Variants in HSD11B1 observed in about 807,000 individuals in gnomAD.
HSD11B1 encodes the protein 11-beta-hydroxysteroid dehydrogenase 1.
HSD11B1 carries 15 observed loss-of-function variants against 22.1 expected under a neutral mutation model. The ratio of observed to expected loss-of-function variants is 0.68; its 90% CI spans 0.45 to 1.04. The LOEUF is 1.04. HSD11B1 is among the 50% of genes least tolerant of loss of function. The pLI, the probability that HSD11B1 is intolerant of heterozygous loss-of-function variation, is 0.00. For synonymous variants in HSD11B1, 122 were observed against 125.2 expected, an observed-to-expected ratio of 0.97 and a Z score of 0.17; for missense variants, 281 against 357.6, an observed-to-expected ratio of 0.79 and a Z score of 1.73.
intron 4 of HSD11B1, among the ~76,000 whole-genome samples, chr1:209,712,610 T>C (rs1438153540): frequency 3.3e-5 from 5 of 152,224 alleles, no homozygotes; most frequent in Non-Finnish European, 7.3e-5. Context: ...CCCCTTTGAA[T>C]ACTGAGAGAT....
At chr1:209,714,246 C>T (rs2076916534) in intron 4 of HSD11B1, among the ~76,000 whole-genome samples, 3 of 152,278 alleles carry the variant, frequency 2.0e-5, no homozygotes, top group Non-Finnish European at 1.5e-5. Context: ...AAACATAAAA[C>T]AAACACTCTA....
intron 4 of HSD11B1, among the ~76,000 whole-genome samples, chr1:209,725,429 C>A (rs2076994849): frequency 1.3e-5 from 2 of 152,214 alleles, no homozygotes; most frequent in Admixed American, 1.3e-4. Flanking sequence ...AATTTACAAC[C>A]TACCTCCTCC....
intron 4 of HSD11B1, among the ~76,000 whole-genome samples, chr1:209,729,550 G>T (rs1438814092): frequency 6.6e-6 from 1 of 152,058 alleles, no homozygotes; most frequent in Non-Finnish European, 1.5e-5. Context: ...TCCAAGATAG[G>T]TCTGGAGCCA....
intron 1 of HSD11B1, among the ~76,000 whole-genome samples, chr1:209,693,097 G>A (rs1032901397): frequency 6.6e-6 from 1 of 152,146 alleles, no homozygotes. Context: ...GGCTCCCTCT[G>A]CTGGCAGAAG....
At position 209,733,916 on chromosome 1, in the gene HSD11B1, C is replaced by A. The variant is rs546460570; in HGVS notation, c.662-388C>A. Among the ~76,000 whole-genome samples the A allele has an allele frequency of 9.2e-5, 14 of 152,296 alleles. No homozygotes were observed. In the South Asian group the frequency reaches 1.0e-3, roughly 11 times the overall value. ...AAGACAGTAAGTCATTATCATACAG[C>A]ACTCTGGTTTTTCCCACTGGCACTT... On this transcript the variant is annotated intron_variant, in intron 5 of 5. Coordinates refer to ENST00000367027, the MANE Select transcript of HSD11B1 (RefSeq NM_005525.4).
chr1:209,727,437 G>A lies in HSD11B1; in HGVS notation c.518-4999G>A, dbSNP rs114225504. Among the ~76,000 whole-genome samples, 1,279 of 152,210 alleles carry A rather than the reference G, an allele frequency of 8.4e-3. 12 individuals carry two copies. The highest frequency in any genetic ancestry group is 0.028 in the African/African-American group (1,163 of 41,526). On this transcript the variant is annotated intron_variant, in intron 4 of 5. Coordinates refer to ENST00000367027, the MANE Select transcript of HSD11B1 (RefSeq NM_005525.4). ...GAGTGACTAGCCCTGTTTATTTATG[G>A]GTATCCTCATCTGTCAGCTTAGAAG... is the stretch of plus-strand genomic sequence containing the variant.
chr1:209,725,910 G>A (rs1362339471), intron 4 of HSD11B1, among the ~76,000 whole-genome samples: 3 of 152,154 alleles, frequency 2.0e-5, no homozygotes, highest in African/African-American at 2.4e-5. Context: ...TCTGAGAGAT[G>A]TCAACAACAG....
intron 4 of HSD11B1, among the ~76,000 whole-genome samples, chr1:209,720,116 A>C (rs2076956325): frequency 6.6e-6 from 1 of 152,126 alleles, no homozygotes. Context: ...TGGTTAAGAT[A>C]GTTTTTTTTA....
In HSD11B1 at chr1:209,734,568, G is replaced by C. The variant is rs758324747; in HGVS notation, c.*47G>C. 4.4e-6 allele frequency: 6 copies of C among 1,366,622 alleles called. No individual in the cohort carries two copies. The East Asian group carries it at 1.4e-4, about 31-fold the overall frequency. The allele number at this position is 1,366,622 out of a possible 1,614,324, so 84.7% of individuals were successfully genotyped here. On this transcript the variant is annotated 3_prime_UTR_variant, in exon 6 of 6. Transcript: ENST00000367027. ...TGCTGAGGGATTTTGGGACTGTTCT[G>C]TCTCATGTTTATCTGAGCTCTTATC...
intron 4 of HSD11B1, among the ~76,000 whole-genome samples, chr1:209,726,609 T>C (rs188403956): frequency 1.1e-4 from 16 of 152,168 alleles, no homozygotes; most frequent in African/African-American, 3.6e-4. Flanking sequence ...AAAAAAAAAC[T>C]TTTTTAAACC....
rs759101456 is a variant in HSD11B1, at chr1:209,705,881, T to C, written c.159T>C (p.His53=). 1.9e-6 allele frequency: 3 copies of C among 1,614,000 alleles called. No individual in the cohort carries two copies. The highest frequency in any genetic ancestry group is 1.1e-5 in the South Asian group (1 of 91,082). The change falls in exon 2 of 6, where the codon CAT becomes CAC. Residue 53 remains histidine, a synonymous_variant. Coordinates refer to ENST00000367027, the MANE Select transcript of HSD11B1 (RefSeq NM_005525.4). ...SKGIGREMAY[H]LAKMGAHVVV... is the part of the protein sequence containing the mutation. ...GGATCGGAAGAGAGATGGCTTATCA[T>C]CTGGCGAAGATGGGAGCCCATGTGG... is the stretch of plus-strand genomic sequence containing the variant.
At chr1:209,710,831 T>G (rs1308803375) in intron 4 of HSD11B1, among the ~76,000 whole-genome samples, 2 of 152,240 alleles carry the variant, frequency 1.3e-5, no homozygotes, top group Non-Finnish European at 2.9e-5. Context: ...TGTCTCCAGT[T>G]AACTATTCAC....
intron 5 of HSD11B1, 52 bp from the exon 6 acceptor site, chr1:209,734,252 C>A (rs942677504): frequency 7.6e-6 from 11 of 1,441,320 alleles, no homozygotes; most frequent in Middle Eastern, 1.8e-4. Flanking sequence ...GGCCTTCCAT[C>A]ATGTAGACTG....
chr1:209,689,455 C>G (rs1288788736), intron 1 of HSD11B1, among the ~76,000 whole-genome samples: 1 of 152,164 alleles, frequency 6.6e-6, no homozygotes, highest in African/African-American at 2.4e-5. Context: ...CAAAGATCAC[C>G]AGGTGATATA....
Position 209,706,667 on chromosome 1 carries a change from T to C in HSD11B1, c.220-42T>C. ...TACTTCAGAGACTACCCCCCAAAAATCTGCAGCTAAGACTGATGCCATTTC... is the reference window on the plus strand; with the variant it reads ...TACTTCAGAGACTACCCCCCAAAAACCTGCAGCTAAGACTGATGCCATTTC... On this transcript the variant is annotated intron_variant, in intron 2 of 5. Transcript: ENST00000367027. The surrounding 1 kb of genome is among the most constrained non-coding windows in gnomAD (Gnocchi z 4.0). The C allele has an allele frequency of 7.2e-7, 1 of 1,397,958 alleles. No individual in the cohort carries two copies. The highest frequency in any genetic ancestry group is 1.0e-6 in the Non-Finnish European group (1 of 984,542). The allele number at this position is 1,397,958 out of a possible 1,614,324, so 86.6% of individuals were successfully genotyped here.
intron 4 of HSD11B1, among the ~76,000 whole-genome samples, chr1:209,721,045 G>C (rs1326932094): frequency 1.3e-5 from 2 of 152,186 alleles, no homozygotes; most frequent in Non-Finnish European, 2.9e-5. Context: ...ATGGAAAGTA[G>C]AGATTGTGAT....
At chr1:209,702,778 T>C (rs1187139867), upstream of HSD11B1, among the ~76,000 whole-genome samples, 1 of 152,136 alleles carries the variant, frequency 6.6e-6, no homozygotes, top group Admixed American at 6.5e-5. Context: ...TTATTAAGAG[T>C]ATACAAGGGT....
At chr1:209,720,120 T>G (rs1173024814) in intron 4 of HSD11B1, among the ~76,000 whole-genome samples, 2 of 152,082 alleles carry the variant, frequency 1.3e-5, no homozygotes, top group Non-Finnish European at 2.9e-5. Context: ...TAAGATAGTT[T>G]TTTTTAAGTA....
intron 1 of HSD11B1, among the ~76,000 whole-genome samples, chr1:209,692,607 C>CGGGGGGGGGGGGGG (rs796545462): frequency 2.1e-5 from 1 of 48,226 alleles, no homozygotes; most frequent in Non-Finnish European, 3.9e-5. Flanking sequence ...ATTAAAATGG[C>CGGGGGGGGGGGGGG]GGGGGGGGGG....
Sources: allele counts gnomAD v4.1 joint callset (sites outside exome capture counted in the v4.1 genomes callset), GRCh38; gene constraint gnomAD v4.1.1; non-coding constraint Gnocchi (gnomAD v3.1); transcripts MANE v1.5; gene names NCBI Gene and HGNC (gene_info 2026-07-23, HGNC 2026-07-21).